MAP4: variants seen among roughly 807,000 people sequenced by gnomAD.
The protein encoded by MAP4 is microtubule associated protein 4.
In MAP4, 76 loss-of-function variants were observed where a neutral mutation model predicts 170.2. The observed-to-expected ratio is 0.45, with a 90% CI of 0.37 to 0.54. MAP4 has a LOEUF of 0.54. Ranked by LOEUF, MAP4 falls within the 20% of genes least tolerant of loss-of-function variation. The probability of loss-of-function intolerance (pLI) is 0.00; values close to 1 mark genes in which losing one functional copy is unlikely to be tolerated. For synonymous variants in MAP4, 909 were observed against 994.5 expected, an observed-to-expected ratio of 0.91 and a Z score of 1.62; for missense variants, 2,506 against 2,748.0, an observed-to-expected ratio of 0.91 and a Z score of 1.97.
chr3:48,027,485 T>G, intron 1 of MAP4, among the ~76,000 whole-genome samples: 1 of 152,218 alleles, frequency 6.6e-6, no homozygotes, highest in African/African-American at 2.4e-5. Context: ...CCATATAGTG[T>G]TTTGAAAAAT....
rs778018213 is a variant in MAP4 at position 47,875,913 on chromosome 3, T to C, written c.5542-13A>G. 30 of 1,567,074 alleles carry C rather than the reference T, an allele frequency of 1.9e-5. No homozygotes were observed. The African/African-American group carries it at 2.2e-4, about 12-fold the overall frequency. On this transcript the variant is annotated splice_polypyrimidine_tract_variant and intron_variant, in intron 11 of 20. Transcript: ENST00000683076. ...TGGTGGCCAAAGGCTTTAGGTTGAT[T>C]GTTGTTTATTTTTTATTTTTATTTT...
chr3:47,967,712 A>C (rs1050657166), intron 3 of MAP4, among the ~76,000 whole-genome samples: 3 of 152,246 alleles, frequency 2.0e-5, no homozygotes, highest in African/African-American at 7.2e-5. Context: ...CTGTAATCCC[A>C]GTACTTTGGG....
intron 1 of MAP4, among the ~76,000 whole-genome samples, chr3:48,008,313 G>A (rs2100103505): frequency 6.6e-6 from 1 of 152,152 alleles, no homozygotes; most frequent in South Asian, 2.1e-4. Context: ...AGAAGATTAG[G>A]GCCTGCTTCA....
At chr3:47,892,548 G>A (rs1577175190) in intron 10 of MAP4, 8 of 1,457,780 alleles carry the variant, frequency 5.5e-6, no homozygotes, top group East Asian at 5.0e-5. Flanking sequence ...TACCACCTAC[G>A]ATCACACAGA....
At position 47,857,520 on chromosome 3, in the gene MAP4, G is replaced by A. The variant is rs376663931; in HGVS notation, c.6502-8C>T. 3.1e-5 allele frequency: 49 copies of A among 1,598,010 alleles called. No individual in the cohort carries two copies. In the African/African-American group the frequency reaches 5.5e-4, roughly 18 times the overall value. On this transcript the variant is annotated splice_polypyrimidine_tract_variant and splice_region_variant and intron_variant, in intron 17 of 20. Coordinates refer to ENST00000683076, the MANE Select transcript of MAP4 (RefSeq NM_001385682.1). Reference sequence around the variant, plus strand: ...CTTGTTCTGAATCTGAACCTGAAGAGAAGGACACAAAAGACTCATTCAGAG... The same window carrying A: ...CTTGTTCTGAATCTGAACCTGAAGAAAAGGACACAAAAGACTCATTCAGAG...
At chr3:47,970,579 G>T (rs1360348066) in intron 3 of MAP4, among the ~76,000 whole-genome samples, 3 of 152,052 alleles carry the variant, frequency 2.0e-5, no homozygotes, top group Non-Finnish European at 2.9e-5. Flanking sequence ...GGAGGCAGAG[G>T]CAGGTGGATC....
chr3:48,003,068 T>C lies in MAP4; in HGVS notation c.-19-4189A>G, dbSNP rs976939866. Among the ~76,000 whole-genome samples the C allele has an allele frequency of 5.3e-5, 8 of 151,742 alleles. 1 individual carries two copies. Among genetic ancestry groups the C allele is most frequent in the Admixed American group, 3.3e-4 (5 of 15,232 alleles). ...TTTAATCAGTCTGTTAGAAGAAAAA[T>C]AGCGACAAGAGCAAATTATGTCAAA... On this transcript the variant is annotated intron_variant, in intron 1 of 20. Coordinates refer to ENST00000683076, the MANE Select transcript of MAP4 (RefSeq NM_001385682.1).
intron 3 of MAP4, among the ~76,000 whole-genome samples, chr3:47,956,659 T>C (rs925640252): frequency 3.9e-5 from 6 of 152,238 alleles, no homozygotes; most frequent in Non-Finnish European, 8.8e-5. Flanking sequence ...GCACAGACTG[T>C]GAAGATATTT....
At chr3:47,964,064 G>A (rs1294121883) in intron 3 of MAP4, among the ~76,000 whole-genome samples, 2 of 152,100 alleles carry the variant, frequency 1.3e-5, no homozygotes. Context: ...TAAGTAAAGG[G>A]GTAACTAAGA....
intron 3 of MAP4, among the ~76,000 whole-genome samples, chr3:47,951,880 C>G (rs1221141829): frequency 1.6e-4 from 24 of 149,406 alleles, no homozygotes; most frequent in Non-Finnish European, 2.8e-4. Flanking sequence ...TCTCTGCCCG[C>G]CCGCCATCCC....
intron 3 of MAP4, among the ~76,000 whole-genome samples, chr3:47,944,505 T>C (rs553439951): frequency 6.6e-6 from 1 of 152,166 alleles, no homozygotes; most frequent in South Asian, 2.1e-4. Flanking sequence ...ACTTCTTTCC[T>C]TCCTATTTAT....
intron 1 of MAP4, among the ~76,000 whole-genome samples, chr3:48,071,963 G>A (rs2100141235): frequency 1.3e-5 from 2 of 152,018 alleles, no homozygotes; most frequent in Admixed American, 1.3e-4. Flanking sequence ...GCTCACGTCT[G>A]TAACCCTAGC....
chr3:48,021,734 T>C (rs1168638519), intron 1 of MAP4, among the ~76,000 whole-genome samples: 1 of 152,216 alleles, frequency 6.6e-6, no homozygotes, highest in African/African-American at 2.4e-5. Flanking sequence ...AAGTTTTACA[T>C]AGTAATTTAA....
intron 10 of MAP4, chr3:47,877,834 T>C (rs1204720106): frequency 5.8e-6 from 1 of 173,886 alleles, no homozygotes; most frequent in Non-Finnish European, 1.2e-5. Flanking sequence ...AGGGACTCTG[T>C]CTTCCAACCA....
rs767979750 is a variant in MAP4 at position 47,869,353 on chromosome 3, A to G, written c.6295-26T>C. 22 of 1,476,962 alleles carry G rather than the reference A, an allele frequency of 1.5e-5. No individual in the cohort carries two copies. In the South Asian group the frequency reaches 2.5e-4, roughly 17 times the overall value. The allele number at this position is 1,476,962 out of a possible 1,614,324, so 91.5% of individuals were successfully genotyped here. A position where few individuals can be genotyped will look rare whatever the true frequency, so the allele number is the denominator to read the frequency against. ...CTGGATGGAGATAAAGGGAGGGCAA[A>G]TTTCAAACCAAGAGGATAAGAGCTC... On this transcript the variant is annotated intron_variant, in intron 15 of 20. Coordinates refer to ENST00000683076, the MANE Select transcript of MAP4 (RefSeq NM_001385682.1).
rs555280311 is a variant in MAP4, at chr3:48,032,806, T to C, written c.-19-33927A>G. 1.8e-4 allele frequency among the ~76,000 whole-genome samples: 28 copies of C among 152,288 alleles called. 1 individual carries two copies. ...ATAAATATAGACAAAAGTGTGTATA[T>C]CAATTAACTTACAAGTCTCTAATCA... On this transcript the variant is annotated intron_variant, in intron 1 of 18. Transcript: ENST00000360240.
intron 10 of MAP4, chr3:47,890,895 T>C: frequency 1.4e-6 from 1 of 731,118 alleles, no homozygotes; most frequent in Non-Finnish European, 2.2e-6. Context: ...ACAAGGGAAT[T>C]AAGCTTTCCC....
At chr3:47,893,420 G>C (rs914508282) in intron 10 of MAP4, among the ~76,000 whole-genome samples, 7 of 152,166 alleles carry the variant, frequency 4.6e-5, no homozygotes, top group African/African-American at 1.7e-4. Context: ...ACTGGGGGCA[G>C]TGCATCTTTC....
At chr3:47,949,048 C>T (rs1262161380) in intron 3 of MAP4, among the ~76,000 whole-genome samples, 1 of 152,164 alleles carries the variant, frequency 6.6e-6, no homozygotes, top group Non-Finnish European at 1.5e-5. Context: ...TTGGATGAAT[C>T]TAACATAAAA....
Sources: gnomAD v4.1 joint callset for allele counts (sites outside exome capture counted in the v4.1 genomes callset) on GRCh38, gnomAD v4.1.1 for gene constraint, MANE v1.5 for transcripts, NCBI Gene and HGNC (gene_info 2026-07-23, HGNC 2026-07-21) for gene names.